Variants in ANKFN1 observed in about 807,000 individuals in gnomAD.
The protein encoded by ANKFN1 is ankyrin repeat and fibronectin type III domain containing 1.
Under a neutral mutation model 108.7 loss-of-function variants are expected in ANKFN1, and 74 were observed. The observed-to-expected ratio is 0.68, with a 90% CI of 0.56 to 0.83. ANKFN1 has a LOEUF of 0.83. Among genes scored for constraint, ANKFN1 ranks in the 40% least tolerant of loss-of-function variants. The probability of loss-of-function intolerance (pLI) is 0.00; values close to 1 mark genes in which losing one functional copy is unlikely to be tolerated. For missense variants in ANKFN1, 1,505 were observed against 1,382.3 expected, an observed-to-expected ratio of 1.09 and a Z score of -1.41; for synonymous variants, 547 against 516.2, an observed-to-expected ratio of 1.06 and a Z score of -0.81.
At chr17:56,390,426 T>A (rs1248774679) in intron 8 of ANKFN1, among the ~76,000 whole-genome samples, 1 of 152,214 alleles carries the variant, frequency 6.6e-6, no homozygotes, top group East Asian at 1.9e-4. Flanking sequence ...ATGTGCCACA[T>A]TTTCTTTATC....
chr17:56,390,093 A>G (rs1169527549), intron 8 of ANKFN1, among the ~76,000 whole-genome samples: 1 of 151,760 alleles, frequency 6.6e-6, no homozygotes, highest in Non-Finnish European at 1.5e-5. Flanking sequence ...GGTTTGTTAC[A>G]TAGGTATACG....
intron 3 of ANKFN1, among the ~76,000 whole-genome samples, chr17:56,274,670 C>T (rs1391864442): frequency 6.6e-6 from 1 of 152,144 alleles, no homozygotes; most frequent in Non-Finnish European, 1.5e-5. Flanking sequence ...ACCAGGCCCT[C>T]ACACCTGCGA....
intron 8 of ANKFN1, among the ~76,000 whole-genome samples, chr17:56,407,999 A>G (rs2047973926): frequency 1.6e-5 from 2 of 125,850 alleles, no homozygotes; most frequent in African/African-American, 3.0e-5. Context: ...CAGTGGCGTG[A>G]TTTCGGCTCA....
At position 56,440,366 on chromosome 17, in the gene ANKFN1, G is replaced by A; in HGVS notation, c.950G>A (p.Gly317Glu). Residue 317 changes from glycine (G) to glutamate (E), a missense_variant, in exon 9 of 21, where the codon GGA (glycine) becomes GAA (glutamate). Physicochemically the swap from Gly to Glu is moderately conservative, Grantham distance 98 (BLOSUM62 -2). Coordinates refer to ENST00000682825, the MANE Select transcript of ANKFN1 (RefSeq NM_001370326.1). ...TCCGAAGACTTTTCTCCTTTGGCTGGAGAAATCATCATGGATAATCTGCAG... is the reference window on the plus strand; with the variant it reads ...TCCGAAGACTTTTCTCCTTTGGCTGAAGAAATCATCATGGATAATCTGCAG... ...SMSEDFSPLA[G>E]EIIMDNLQTL... The A allele has an allele frequency of 6.2e-7, 1 of 1,612,716 alleles. No homozygotes were observed.
intron 3 of ANKFN1, among the ~76,000 whole-genome samples, chr17:56,239,963 A>C (rs556663084): frequency 6.6e-6 from 1 of 152,130 alleles, no homozygotes; most frequent in South Asian, 2.1e-4. Flanking sequence ...CATTTTTAGC[A>C]TAGTATTCAT....
chr17:56,407,720 G>A (rs1225589029), intron 8 of ANKFN1, among the ~76,000 whole-genome samples: 1 of 151,988 alleles, frequency 6.6e-6, no homozygotes, highest in African/African-American at 2.4e-5. Flanking sequence ...CTATCACAAA[G>A]AATATTTGGC....
rs1484094062 is a variant in ANKFN1, at chr17:56,516,074, A to G, written c.*4805A>G. Among the ~76,000 whole-genome samples the G allele has an allele frequency of 1.3e-5, 2 of 152,156 alleles. No homozygotes were observed. The highest frequency in any genetic ancestry group is 4.8e-5 in the African/African-American group (2 of 41,432). ...CCTCTTCCTGCAGTCCATGCCATGAAAGTCTGAATATACTTTCACAGTAAT... is the reference window on the plus strand; with the variant it reads ...CCTCTTCCTGCAGTCCATGCCATGAGAGTCTGAATATACTTTCACAGTAAT... On this transcript the variant is annotated 3_prime_UTR_variant, in exon 21 of 21. Coordinates refer to ENST00000682825, the MANE Select transcript of ANKFN1 (RefSeq NM_001370326.1).
intron 8 of ANKFN1, among the ~76,000 whole-genome samples, chr17:56,432,881 C>A (rs1278833242): frequency 6.6e-6 from 1 of 152,062 alleles, no homozygotes; most frequent in Non-Finnish European, 1.5e-5. Context: ...GTCATTATAC[C>A]TGCTGATCAT....
chr17:56,059,574 A>T (rs888506415), intron 4 of ANKFN1, among the ~76,000 whole-genome samples: 2 of 152,032 alleles, frequency 1.3e-5, no homozygotes, highest in African/African-American at 4.8e-5. Flanking sequence ...GGGTTTTTAC[A>T]TTTAAGTCTT....
At position 56,429,560 on chromosome 17, in the gene ANKFN1, A is replaced by G. The variant is rs368451014; in HGVS notation, c.911-10767A>G. ...AAACCACTTTTAGCTCACAGGCTAT[A>G]CAGAGACAGGCAGCAGGCTGGATTT... On this transcript the variant is annotated intron_variant, in intron 8 of 20. Coordinates refer to ENST00000682825, the MANE Select transcript of ANKFN1 (RefSeq NM_001370326.1). 2.6e-5 allele frequency among the ~76,000 whole-genome samples: 4 copies of G among 152,250 alleles called. No individual in the cohort carries two copies. The East Asian group carries it at 5.8e-4, about 22-fold the overall frequency.
intron 8 of ANKFN1, among the ~76,000 whole-genome samples, chr17:56,410,144 G>A (rs915765009): frequency 2.0e-5 from 3 of 152,136 alleles, no homozygotes; most frequent in Admixed American, 1.3e-4. Flanking sequence ...GGAGTGCAGT[G>A]GCGCTATCTC....
intron 4 of ANKFN1, among the ~76,000 whole-genome samples, chr17:56,066,758 C>T (rs1030174505): frequency 1.4e-4 from 21 of 152,178 alleles, no homozygotes; most frequent in Non-Finnish European, 2.9e-4. Context: ...CCCCTGGAAA[C>T]CACCATTCTA....
chr17:56,069,248 A>G (rs1490412596), intron 4 of ANKFN1, among the ~76,000 whole-genome samples: 1 of 152,208 alleles, frequency 6.6e-6, no homozygotes, highest in Non-Finnish European at 1.5e-5. Flanking sequence ...TGGATTTTTC[A>G]TATAAACCTA....
intron 4 of ANKFN1, among the ~76,000 whole-genome samples, chr17:56,099,662 A>G (rs756335567): frequency 3.9e-5 from 6 of 152,228 alleles, no homozygotes; most frequent in Non-Finnish European, 8.8e-5. Context: ...ACGAGTAGAA[A>G]TTCTCCAGGC....
chr17:56,423,914 G>T (rs2048482445), intron 8 of ANKFN1, among the ~76,000 whole-genome samples: 1 of 152,154 alleles, frequency 6.6e-6, no homozygotes, highest in Non-Finnish European at 1.5e-5. Flanking sequence ...TCTTAATGAT[G>T]CTCAGGAATG....
intron 10 of ANKFN1, among the ~76,000 whole-genome samples, chr17:56,444,105 G>A (rs1330777045): frequency 6.6e-6 from 1 of 152,018 alleles, no homozygotes; most frequent in Non-Finnish European, 1.5e-5. Flanking sequence ...TGTGTGGTAG[G>A]GAGAACAAAT....
intron 4 of ANKFN1, among the ~76,000 whole-genome samples, chr17:56,109,633 A>G (rs1384706877): frequency 1.3e-5 from 2 of 152,226 alleles, no homozygotes; most frequent in Non-Finnish European, 2.9e-5. Context: ...AAATGCTCCC[A>G]CATGAAAATG....
At chr17:56,469,882 C>G (rs539659173) in intron 15 of ANKFN1, among the ~76,000 whole-genome samples, 1 of 151,966 alleles carries the variant, frequency 6.6e-6, no homozygotes, top group South Asian at 2.1e-4. Context: ...CCTATCAATC[C>G]ATCACCTAGA....
chr17:56,276,018 C>A (rs2043922395), intron 3 of ANKFN1, among the ~76,000 whole-genome samples: 1 of 152,150 alleles, frequency 6.6e-6, no homozygotes, highest in Non-Finnish European at 1.5e-5. Flanking sequence ...CCTCCCCTAG[C>A]CTCCCACCCC....
Sources: allele counts gnomAD v4.1 joint callset (sites outside exome capture counted in the v4.1 genomes callset), GRCh38; gene constraint gnomAD v4.1.1; transcripts MANE v1.5; gene names NCBI Gene and HGNC (gene_info 2026-07-23, HGNC 2026-07-21).